The following PTGDR variants were observed in gnomAD, a reference collection of about 807,000 sequenced individuals.
PTGDR encodes the protein prostaglandin D2 receptor.
Under a neutral mutation model 17.4 loss-of-function variants are expected in PTGDR, and 19 were observed. The ratio of observed to expected loss-of-function variants is 1.09; its 90% CI spans 0.76 to 1.60. The LOEUF (loss-of-function observed/expected upper bound fraction) is 1.60, where lower values mean the gene tolerates loss of function less well. Among genes scored for constraint, PTGDR ranks in the 40% most tolerant of loss-of-function variants. The pLI is 0.00. For synonymous variants in PTGDR, 267 were observed against 224.2 expected (o/e 1.19, Z -1.71); for missense variants, 526 against 481.9 (o/e 1.09, Z -0.86).
intron 1 of PTGDR, among the ~76,000 whole-genome samples, chr14:52,272,663 G>T (rs2033343480): frequency 6.6e-6 from 1 of 152,146 alleles, no homozygotes; most frequent in Non-Finnish European, 1.5e-5. Context: ...TAACACAACA[G>T]ACCTTGCCCT....
chr14:52,268,330 G>C lies in PTGDR; in HGVS notation c.516G>C (p.Gly172=). 1 of 1,613,794 alleles carries C rather than the reference G, an allele frequency of 6.2e-7. No homozygotes were observed. The change falls in exon 1 of 2, where the codon GGG becomes GGC. Residue 172 remains glycine, a synonymous_variant. Transcript: ENST00000306051. Reference sequence around the variant, plus strand: ...GCGCGCTACCTTTCATGGGCTTCGGGAAGTTCGTGCAGTACTGCCCCGGCA... The same window carrying C: ...GCGCGCTACCTTTCATGGGCTTCGGCAAGTTCGTGCAGTACTGCCCCGGCA... ...AFCALPFMGF[G]KFVQYCPGTW... is the part of the protein sequence containing the mutation.
chr14:52,268,465 C>A lies in PTGDR; in HGVS notation c.651C>A (p.Cys217Ter). ...TGCTGGTCCTCGCCACCGTGCTGTG[C>A]AACCTCGGCGCCATGCGCAACCTCT... The part of the protein sequence containing the change: ...MALLVLATVL[C>*]NLGAMRNLYA... The change falls in exon 1 of 2, where the codon TGC (cysteine) becomes TGA (stop). Residue 217 changes from cysteine (C) to a stop codon, truncating the protein, a stop_gained. Transcript: ENST00000306051. LOFTEE classifies it high-confidence loss of function. 6.2e-7 allele frequency: 1 copy of A among 1,609,972 alleles called. No individual in the cohort carries two copies. Among genetic ancestry groups the A allele is most frequent in the Non-Finnish European group, 8.5e-7 (1 of 1,179,998 alleles).
chr14:52,270,149 G>A (rs41312458), intron 1 of PTGDR, among the ~76,000 whole-genome samples: 1,845 of 152,288 alleles, frequency 0.012, 31 homozygotes, highest in African/African-American at 0.038. Flanking sequence ...TCAATTTGAT[G>A]AGACCCAAGA....
rs1172391015 is a variant in PTGDR, at chr14:52,271,470, T to C, written c.846+2810T>C. Among the ~76,000 whole-genome samples the C allele has an allele frequency of 2.0e-5, 3 of 152,290 alleles. No homozygotes were observed. The East Asian group carries it at 5.8e-4, about 29-fold the overall frequency. On this transcript the variant is annotated intron_variant, in intron 1 of 1. Transcript: ENST00000306051. ...AAATAAAACTAAGAAATTCTAAACA[T>C]ATGATTGCAAAACAAGATAAAATGT...
rs920131809 is a variant in PTGDR, at chr14:52,268,076, G to T, written c.262G>T (p.Ala88Ser). The change falls in exon 1 of 2, where the codon GCT becomes TCT. Residue 88 changes from alanine to serine, a missense_variant. Coordinates refer to ENST00000306051, the MANE Select transcript of PTGDR (RefSeq NM_000953.3). ...LLSPVVLAAY[A>S]QNRSLRVLAP... ...AAGCCCGGTGGTGCTGGCTGCCTACGCTCAGAACCGGAGTCTGCGGGTGCT... is the reference window on the plus strand; with the variant it reads ...AAGCCCGGTGGTGCTGGCTGCCTACTCTCAGAACCGGAGTCTGCGGGTGCT... The T allele has an allele frequency of 5.6e-6, 9 of 1,613,274 alleles. No homozygotes were observed. In the African/African-American group the frequency reaches 8.0e-5, roughly 14 times the overall value.
chr14:52,274,685 C>T, intron 1 of PTGDR, 46 bp from the exon 2 acceptor site: 2 of 1,478,508 alleles, frequency 1.4e-6, no homozygotes, highest in South Asian at 1.1e-5. Context: ...TCCATTGCTG[C>T]CATTAACCTT....
At position 52,276,064 on chromosome 14, in the gene PTGDR, C is replaced by T. The variant is rs41506647; in HGVS notation, c.*1100C>T. On this transcript the variant is annotated 3_prime_UTR_variant, in exon 2 of 2. Transcript: ENST00000306051. ...CTTCAAAACTGGAGCAGCATATAGC[C>T]GAAAAGGAGCACAACTGAGCACTTT... The T allele has an allele frequency of 4.5e-4, 69 of 152,422 alleles. No homozygotes were observed. Among genetic ancestry groups the T allele is most frequent in the African/African-American group, 1.5e-3 (62 of 41,504 alleles). 9.4% of individuals were successfully genotyped at this position (152,422 alleles called of 1,614,324 possible).
chr14:52,267,883 C>T lies in PTGDR; in HGVS notation c.69C>T (p.Gly23=). The T allele has an allele frequency of 6.2e-7, 1 of 1,605,676 alleles. No individual in the cohort carries two copies. The highest frequency in any genetic ancestry group is 1.3e-5 in the African/African-American group (1 of 74,860). ...SVEKGNSAVM[G]GVLFSTGLLG... The stretch of plus-strand genomic sequence containing the variant: ...AAAAAGGCAACTCGGCGGTGATGGG[C>T]GGGGTGCTCTTCAGCACCGGCCTCC... Residue 23 remains glycine, a synonymous_variant, in exon 1 of 2, where the codon GGC becomes GGT. Coordinates refer to ENST00000306051, the MANE Select transcript of PTGDR (RefSeq NM_000953.3).
Position 52,275,049 on chromosome 14 carries a change from C to A in PTGDR, c.*85C>A. 3 of 1,106,386 alleles carry A rather than the reference C, an allele frequency of 2.7e-6. No individual in the cohort carries two copies. Among genetic ancestry groups the A allele is most frequent in the Non-Finnish European group, 3.8e-6 (3 of 783,630 alleles). The allele number at this position is 1,106,386 out of a possible 1,614,324, so 68.5% of individuals were successfully genotyped here. A position where few individuals can be genotyped will look rare whatever the true frequency, so the allele number is the denominator to read the frequency against. On this transcript the variant is annotated 3_prime_UTR_variant, in exon 2 of 2. Coordinates refer to ENST00000306051, the MANE Select transcript of PTGDR (RefSeq NM_000953.3). Reference sequence around the variant, plus strand: ...TGATTAAAAAAAAAAAGACAACTTACAATTTAAATCCTTAAAAGTTACCTC... The same window carrying A: ...TGATTAAAAAAAAAAAGACAACTTAAAATTTAAATCCTTAAAAGTTACCTC...
chr14:52,280,386 C>T (rs2033474080), downstream of PTGDR, among the ~76,000 whole-genome samples: 1 of 151,946 alleles, frequency 6.6e-6, no homozygotes, highest in Non-Finnish European at 1.5e-5. Flanking sequence ...ATCTTGGGAC[C>T]CCAAACTCAC....
downstream of PTGDR, among the ~76,000 whole-genome samples, chr14:52,278,013 G>A (rs2033449622): frequency 6.6e-6 from 1 of 152,142 alleles, no homozygotes; most frequent in African/African-American, 2.4e-5. Flanking sequence ...TCTCAGCAAA[G>A]TTACAGCTTT....
Position 52,268,018 on chromosome 14 carries a change from G to A in PTGDR, c.204G>A (p.Leu68=), listed in dbSNP as rs2033238127. 1.9e-6 allele frequency: 3 copies of A among 1,610,650 alleles called. No homozygotes were observed. The highest frequency in any genetic ancestry group is 2.5e-6 in the Non-Finnish European group (3 of 1,180,026). The change falls in exon 1 of 2, where the codon CTG becomes CTA. Residue 68 remains leucine (L), a synonymous_variant. Transcript: ENST00000306051. ...PSVFYMLVCG[L]TVTDLLGKCL... ...TCTTCTACATGCTGGTGTGTGGCCT[G>A]ACGGTCACCGACTTGCTGGGCAAGT...
downstream of PTGDR, among the ~76,000 whole-genome samples, chr14:52,277,743 G>A (rs1045914266): frequency 4.6e-5 from 7 of 152,132 alleles, no homozygotes; most frequent in African/African-American, 1.4e-4. Flanking sequence ...CCAGCTCCAC[G>A]TCAGACCTGT....
At chr14:52,272,273 G>A (rs567854527) in intron 1 of PTGDR, among the ~76,000 whole-genome samples, 88 of 152,104 alleles carry the variant, frequency 5.8e-4, no homozygotes, top group Admixed American at 2.5e-3. Flanking sequence ...TTTGAGACCA[G>A]CCTGGGCAAC....
chr14:52,268,799 C>T, intron 1 of PTGDR, 139 bp downstream of exon 1: 3 of 923,400 alleles, frequency 3.2e-6, no homozygotes, highest in Non-Finnish European at 4.9e-6. Context: ...CTGCTGAGTT[C>T]CCCAAATTGG....
chr14:52,277,630 T>C (rs1183412935), downstream of PTGDR, among the ~76,000 whole-genome samples: 1 of 152,218 alleles, frequency 6.6e-6, no homozygotes, highest in Non-Finnish European at 1.5e-5. Flanking sequence ...TTCTTTGCTG[T>C]TGTTCCAGTA....
intron 1 of PTGDR, among the ~76,000 whole-genome samples, chr14:52,269,130 T>C (rs1445697011): frequency 1.3e-5 from 2 of 152,044 alleles, no homozygotes; most frequent in Non-Finnish European, 2.9e-5. Context: ...GACGATCTTC[T>C]CCCCGGTGTT....
intron 1 of PTGDR, among the ~76,000 whole-genome samples, chr14:52,273,594 G>C (rs1346796313): frequency 6.6e-6 from 1 of 152,172 alleles, no homozygotes; most frequent in Non-Finnish European, 1.5e-5. Flanking sequence ...TCCAGTGTAA[G>C]GTGTCTTCCT....
intron 1 of PTGDR, among the ~76,000 whole-genome samples, chr14:52,273,648 C>T (rs41312486): frequency 0.12 from 17,526 of 152,118 alleles, 1,083 homozygotes; most frequent in Middle Eastern, 0.27. Context: ...AAATGCTCTA[C>T]AGAGAAGAAA....
Sources: allele counts gnomAD v4.1 joint callset (sites outside exome capture counted in the v4.1 genomes callset), GRCh38; gene constraint gnomAD v4.1.1; transcripts MANE v1.5; gene names NCBI Gene and HGNC (gene_info 2026-07-23, HGNC 2026-07-21).